The following BICRA variants were observed in gnomAD, a reference collection of about 807,000 sequenced individuals.
The protein encoded by BICRA is BRD4-interacting chromatin-remodeling complex-associated protein.
Under a neutral mutation model 96.9 loss-of-function variants are expected in BICRA, and 31 were observed. The observed-to-expected ratio is 0.32, with a 90% CI of 0.24 to 0.43. The LOEUF (loss-of-function observed/expected upper bound fraction) is 0.43. BICRA is among the 20% of genes least tolerant of loss of function. BICRA has a pLI of 1.00. For synonymous variants in BICRA, 1,350 were observed against 1,071.8 expected (o/e 1.26, Z -5.07); for missense variants, 2,283 against 2,190.3 (o/e 1.04, Z -0.84).
chr19:47,697,934 TG>T (rs1973372724), intron 11 of BICRA, among the ~76,000 whole-genome samples: 1 of 152,226 alleles, frequency 6.6e-6, no homozygotes, highest in South Asian at 2.1e-4. Flanking sequence ...CTTGAACTCC[TG>T]GGCTCAGACA....
chr19:47,640,083 T>C (rs752131407), intron 1 of BICRA, among the ~76,000 whole-genome samples: 7 of 152,246 alleles, frequency 4.6e-5, no homozygotes, highest in Non-Finnish European at 1.0e-4. Flanking sequence ...AGCTTCACTC[T>C]GTCATAAGGC....
intron 1 of BICRA, among the ~76,000 whole-genome samples, chr19:47,667,111 C>T (rs1251300681): frequency 2.0e-5 from 3 of 151,048 alleles, no homozygotes; most frequent in Admixed American, 6.6e-5. Context: ...CTCCGCCTCC[C>T]GGGTTCACGC....
At chr19:47,650,893 A>C (rs146915833) in intron 1 of BICRA, among the ~76,000 whole-genome samples, 136 of 152,126 alleles carry the variant, frequency 8.9e-4, no homozygotes, top group African/African-American at 3.0e-3. Context: ...GCACAGCCTG[A>C]CACCATCTGC....
chr19:47,619,648 C>A (rs1972036171), intron 1 of BICRA, among the ~76,000 whole-genome samples: 1 of 152,102 alleles, frequency 6.6e-6, no homozygotes, highest in African/African-American at 2.4e-5. Context: ...GTAATCCCAG[C>A]ACTTTTTGGG....
At chr19:47,697,743 G>A (rs1053711072) in intron 11 of BICRA, among the ~76,000 whole-genome samples, 35 of 152,260 alleles carry the variant, frequency 2.3e-4, no homozygotes, top group African/African-American at 8.2e-4. Context: ...CTCCCAAAGT[G>A]CTGGGAGTAC....
intron 1 of BICRA, among the ~76,000 whole-genome samples, chr19:47,622,717 C>A (rs1972082679): frequency 1.2e-5 from 1 of 85,272 alleles, no homozygotes; most frequent in African/African-American, 4.9e-5. Flanking sequence ...GAGTGAGACT[C>A]TGTCTCAAAA....
chr19:47,701,986 C>A lies in BICRA; in HGVS notation c.4254C>A (p.Pro1418=), dbSNP rs1170243630. Residue 1418 remains proline, a synonymous_variant, in exon 15 of 15, where the codon CCC becomes CCA. Coordinates refer to ENST00000594866, the MANE Select transcript of BICRA (RefSeq NM_001394372.1). The surrounding 1 kb of genome is among the most constrained non-coding windows in gnomAD (Gnocchi z 5.4). ...RARGGSPAPL[P]AKVDEATSGL... ...GGGGAGGCAGCCCGGCGCCGCTGCC[C>A]GCCAAAGTGGACGAGGCCACCAGCG... The A allele has an allele frequency of 3.4e-6, 5 of 1,478,246 alleles. No individual in the cohort carries two copies. The Admixed American group carries it at 7.6e-5, about 22-fold the overall frequency. 91.6% of individuals were successfully genotyped at this position (1,478,246 alleles called of 1,614,324 possible). A position where few individuals can be genotyped will look rare whatever the true frequency, so the allele number is the denominator to read the frequency against.
Position 47,679,680 on chromosome 19 carries a change from G to A in BICRA, c.510G>A (p.Gln170=). Residue 170 remains glutamine, a synonymous_variant, in exon 6 of 15, where the codon CAG becomes CAA. Transcript: ENST00000594866. ...FPGSTDLLGL[Q]GPPTVLTHQA... is the part of the protein sequence containing the mutation. ...GCAGCACCGACCTGCTGGGGCTGCA[G>A]GGCCCGCCTACCGTGCTGACCCACC... 6.6e-7 allele frequency: 1 copy of A among 1,521,970 alleles called. No homozygotes were observed. The highest frequency in any genetic ancestry group is 1.2e-5 in the South Asian group (1 of 80,454). The allele number at this position is 1,521,970 out of a possible 1,614,324, so 94.3% of individuals were successfully genotyped here. A position where few individuals can be genotyped will look rare whatever the true frequency, so the allele number is the denominator to read the frequency against.
chr19:47,668,540 G>T (rs971807829), intron 1 of BICRA, among the ~76,000 whole-genome samples: 1 of 144,456 alleles, frequency 6.9e-6, no homozygotes, highest in African/African-American at 2.6e-5. Context: ...AGGCTGAAGT[G>T]CAAGTGGTGC....
chr19:47,696,425 C>T lies in BICRA; in HGVS notation c.3187-26C>T, dbSNP rs776607570. The T allele has an allele frequency of 3.2e-6, 5 of 1,571,370 alleles. No individual in the cohort carries two copies. The African/African-American group carries it at 5.4e-5, about 17-fold the overall frequency. Reference sequence around the variant, plus strand: ...GAGGGAAGGCTTCTGGAGGCAAAGGCCTCTCACTCGCCTTTCTTCTCCCAG... The same window carrying T: ...GAGGGAAGGCTTCTGGAGGCAAAGGTCTCTCACTCGCCTTTCTTCTCCCAG... On this transcript the variant is annotated intron_variant, in intron 10 of 14. Coordinates refer to ENST00000594866, the MANE Select transcript of BICRA (RefSeq NM_001394372.1).
At chr19:47,685,786 T>TGTGTGTGTGTGTGTGCGTGCGCGCGC in intron 7 of BICRA, among the ~76,000 whole-genome samples, 1 of 117,930 alleles carries the variant, frequency 8.5e-6, no homozygotes, top group East Asian at 3.5e-4. Context: ...TGTGTGTGTG[T>TGTGTGTGTGTGTGTGCGTGCGCGCGC]GCGCGCGCGC....
intron 1 of BICRA, among the ~76,000 whole-genome samples, chr19:47,634,854 C>G (rs1972276040): frequency 6.6e-6 from 1 of 150,478 alleles, no homozygotes; most frequent in South Asian, 2.1e-4. Context: ...GCTCTGCTTC[C>G]CGGGTTTACG....
chr19:47,688,850 T>TCC (rs1491353239), intron 7 of BICRA, among the ~76,000 whole-genome samples: 4 of 148,986 alleles, frequency 2.7e-5, no homozygotes, highest in Non-Finnish European at 4.5e-5. Context: ...TGAGACAGAG[T>TCC]CTCTCTCTCT....
Position 47,695,352 on chromosome 19 carries a change from C to T in BICRA, c.3077-13C>T. On this transcript the variant is annotated splice_polypyrimidine_tract_variant and intron_variant, in intron 9 of 14. Transcript: ENST00000594866. Reference sequence around the variant, plus strand: ...ACCGCAGGCCCTGTCTCCCCCACCCCACCCACCCCCAGGCCTCCCTCCTCT... The same window carrying T: ...ACCGCAGGCCCTGTCTCCCCCACCCTACCCACCCCCAGGCCTCCCTCCTCT... 1 of 686,678 alleles carries T rather than the reference C, an allele frequency of 1.5e-6. No homozygotes were observed. The highest frequency in any genetic ancestry group is 1.8e-5 in the South Asian group (1 of 55,776). 42.5% of individuals were successfully genotyped at this position (686,678 alleles called of 1,614,324 possible). A position where few individuals can be genotyped will look rare whatever the true frequency, so the allele number is the denominator to read the frequency against.
At chr19:47,660,336 A>G (rs972407039) in intron 1 of BICRA, among the ~76,000 whole-genome samples, 1 of 152,148 alleles carries the variant, frequency 6.6e-6, no homozygotes, top group Non-Finnish European at 1.5e-5. Context: ...GACATTTATC[A>G]TAGGATTTTG....
chr19:47,627,342 G>C (rs1457001690), intron 1 of BICRA, among the ~76,000 whole-genome samples: 1 of 152,146 alleles, frequency 6.6e-6, no homozygotes, highest in East Asian at 1.9e-4. Context: ...ACCTTGTTCA[G>C]CCTCAGTTTC....
At chr19:47,620,665 C>CT (rs1972050805) in intron 1 of BICRA, among the ~76,000 whole-genome samples, 1 of 24,972 alleles carries the variant, frequency 4.0e-5, no homozygotes, top group Admixed American at 5.7e-4. Context: ...GTGAGACTGT[C>CT]TCAAAAAAAA....
chr19:47,681,973 C>T lies in BICRA; in HGVS notation c.2107-3C>T. 1 of 1,554,922 alleles carries T rather than the reference C, an allele frequency of 6.4e-7. No homozygotes were observed. The highest frequency in any genetic ancestry group is 1.2e-5 in the South Asian group (1 of 85,350). ...CTGATCCTGTGCGGGCTGCCCGTTG[C>T]AGGAGAGGAGCCAGCAGCCCCTCTC... On this transcript the variant is annotated splice_region_variant and splice_polypyrimidine_tract_variant and intron_variant, in intron 6 of 14. Transcript: ENST00000594866.
rs868397164 is a variant in BICRA at position 47,626,696 on chromosome 19, C to T, written c.-108+17528C>T. 7.4e-5 allele frequency among the ~76,000 whole-genome samples: 11 copies of T among 148,030 alleles called. No individual in the cohort carries two copies. The South Asian group carries it at 2.4e-3, about 32-fold the overall frequency. ...GCAGTGAGATTACAGGCATGAGCTA[C>T]CACGTCCAGCTGCATCCTGGGTTTT... On this transcript the variant is annotated intron_variant, in intron 1 of 14. Coordinates refer to ENST00000594866, the MANE Select transcript of BICRA (RefSeq NM_001394372.1).
Sources: allele counts gnomAD v4.1 joint callset (sites outside exome capture counted in the v4.1 genomes callset), GRCh38; gene constraint gnomAD v4.1.1; non-coding constraint Gnocchi (gnomAD v3.1); transcripts MANE v1.5; gene names NCBI Gene and HGNC (gene_info 2026-07-23, HGNC 2026-07-21).